ATRNL1: variants seen among roughly 807,000 people sequenced by gnomAD.
ATRNL1 encodes the protein attractin like 1, also known as attractin-like protein 1.
Under a neutral mutation model 182.7 loss-of-function variants are expected in ATRNL1, and 95 were observed. That is an observed-to-expected ratio of 0.52 (90% CI 0.44 to 0.62). ATRNL1 has a LOEUF of 0.62. ATRNL1 is among the 20% of genes least tolerant of loss of function. ATRNL1 has a pLI of 0.00. For synonymous variants in ATRNL1, 576 were observed against 568.3 expected, an observed-to-expected ratio of 1.01 and a Z score of -0.19; for missense variants, 1,471 against 1,679.5, an observed-to-expected ratio of 0.88 and a Z score of 2.17.
chr10:115,761,153 A>T (rs1948726214), intron 27 of ATRNL1, among the ~76,000 whole-genome samples: 2 of 152,236 alleles, frequency 1.3e-5, no homozygotes, highest in Admixed American at 1.3e-4. Flanking sequence ...AGCTGAAAAT[A>T]ATAGCAAAAG....
chr10:115,282,873 G>A (rs1393537974), intron 14 of ATRNL1, among the ~76,000 whole-genome samples: 1 of 151,352 alleles, frequency 6.6e-6, no homozygotes, highest in East Asian at 1.9e-4. Flanking sequence ...GAATGTGCAG[G>A]TTTGTTACAT....
Position 115,315,552 on chromosome 10 carries a change from GTGTT to G in ATRNL1, c.2856_2859del (p.Cys952TrpfsTer29). The G allele has an allele frequency of 6.2e-7, 1 of 1,613,828 alleles. No individual in the cohort carries two copies. Among genetic ancestry groups the G allele is most frequent in the Non-Finnish European group, 8.5e-7 (1 of 1,179,868 alleles). ...GTTCTGGATTGAGAACCTGTGGACA[GTGTT>G]TGGAACAGCCTGGATGTGGCTGGTG... On this transcript the variant is annotated frameshift_variant, in exon 18 of 29. Transcript: ENST00000355044. LOFTEE classifies it high-confidence loss of function.
At chr10:115,913,268 G>A (rs1403595388) in intron 28 of ATRNL1, among the ~76,000 whole-genome samples, 6 of 152,024 alleles carry the variant, frequency 3.9e-5, no homozygotes, top group Non-Finnish European at 8.8e-5. Context: ...TTATTCAGAT[G>A]TCCTCCACCA....
In ATRNL1 at chr10:115,586,534, A is replaced by G. The variant is rs1286701613; in HGVS notation, c.3795+36998A>G. Among the ~76,000 whole-genome samples the G allele has an allele frequency of 2.1e-5, 2 of 94,064 alleles. 1 individual carries two copies. The highest frequency in any genetic ancestry group is 1.6e-3 in the East Asian group (2 of 1,256). 61.7% of individuals were successfully genotyped at this position (94,064 alleles called of 152,430 possible). A position where few individuals can be genotyped will look rare whatever the true frequency, so the allele number is the denominator to read the frequency against. On this transcript the variant is annotated intron_variant, in intron 26 of 28. Coordinates refer to ENST00000355044, the MANE Select transcript of ATRNL1 (RefSeq NM_207303.4). ...TTCCATCACTGATACCCTTTCTTCCAGTTGTTCGCATCGGCTCCTGAGGCT... is the reference window on the plus strand; with the variant it reads ...TTCCATCACTGATACCCTTTCTTCCGGTTGTTCGCATCGGCTCCTGAGGCT...
chr10:115,690,203 C>T (rs1269997355), intron 26 of ATRNL1, among the ~76,000 whole-genome samples: 1 of 152,018 alleles, frequency 6.6e-6, no homozygotes, highest in Non-Finnish European at 1.5e-5. Context: ...AATAGTACTC[C>T]CTGTGGATTA....
intron 26 of ATRNL1, among the ~76,000 whole-genome samples, chr10:115,653,675 G>A (rs975091253): frequency 6.6e-6 from 1 of 152,130 alleles, no homozygotes; most frequent in Admixed American, 6.6e-5. Context: ...CTAGCAGCCT[G>A]TGTTTACCTC....
At chr10:115,930,263 T>C (rs1398611256) in intron 28 of ATRNL1, among the ~76,000 whole-genome samples, 1 of 152,188 alleles carries the variant, frequency 6.6e-6, no homozygotes, top group African/African-American at 2.4e-5. Flanking sequence ...ATTTGGTTTT[T>C]TTCCTTCCCC....
chr10:115,570,005 C>G (rs1196585889), intron 26 of ATRNL1, among the ~76,000 whole-genome samples: 2 of 152,094 alleles, frequency 1.3e-5, no homozygotes, highest in African/African-American at 4.8e-5. Context: ...AGCTAGCTTT[C>G]TGCTGGAGTG....
intron 7 of ATRNL1, 124 bp downstream of exon 7, chr10:115,165,769 T>C (rs1847012196): frequency 4.5e-6 from 2 of 442,378 alleles, no homozygotes; most frequent in Non-Finnish European, 3.9e-6. Context: ...ATATGGATCA[T>C]GATAACTTGA....
At chr10:115,858,787 A>T (rs1235940462) in intron 28 of ATRNL1, among the ~76,000 whole-genome samples, 1 of 151,970 alleles carries the variant, frequency 6.6e-6, no homozygotes, top group Non-Finnish European at 1.5e-5. Context: ...GCCAATTGGT[A>T]AAAAAAATTA....
intron 21 of ATRNL1, among the ~76,000 whole-genome samples, chr10:115,442,966 T>C (rs1302836380): frequency 2.0e-5 from 3 of 152,086 alleles, no homozygotes; most frequent in African/African-American, 4.8e-5. Flanking sequence ...ACATCTTCTT[T>C]TATGACCTAA....
intron 19 of ATRNL1, among the ~76,000 whole-genome samples, chr10:115,392,523 A>G (rs1592585463): frequency 6.6e-6 from 1 of 152,144 alleles, no homozygotes; most frequent in East Asian, 1.9e-4. Context: ...TCTATTCCAT[A>G]TGTTCTTTCA....
chr10:115,131,662 C>T (rs1845243359), intron 5 of ATRNL1, among the ~76,000 whole-genome samples: 1 of 152,118 alleles, frequency 6.6e-6, no homozygotes, highest in Admixed American at 6.6e-5. Context: ...TGTGAAAATG[C>T]GGACTGCCGA....
chr10:115,756,353 G>C (rs1948591024), intron 27 of ATRNL1, among the ~76,000 whole-genome samples: 1 of 152,010 alleles, frequency 6.6e-6, no homozygotes, highest in Admixed American at 6.6e-5. Context: ...CAGAGATTCT[G>C]GTACGTTGTG....
intron 28 of ATRNL1, among the ~76,000 whole-genome samples, chr10:115,942,717 G>A (rs1555124574): frequency 6.6e-6 from 1 of 152,210 alleles, no homozygotes; most frequent in African/African-American, 2.4e-5. Context: ...TCAATTCAAA[G>A]TCAAGTCTTC....
intron 18 of ATRNL1, among the ~76,000 whole-genome samples, chr10:115,320,976 T>G (rs1041967307): frequency 6.6e-6 from 1 of 152,134 alleles, no homozygotes; most frequent in Non-Finnish European, 1.5e-5. Context: ...TTTGGCATTT[T>G]TGTTGTTGTT....
chr10:115,113,418 T>A (rs1554868781), intron 1 of ATRNL1, among the ~76,000 whole-genome samples: 1 of 152,164 alleles, frequency 6.6e-6, no homozygotes, highest in Non-Finnish European at 1.5e-5. Flanking sequence ...TGTTTGTTTG[T>A]TTGTTTCCTA....
At chr10:115,920,470 C>T (rs1431577288) in intron 28 of ATRNL1, among the ~76,000 whole-genome samples, 2 of 152,200 alleles carry the variant, frequency 1.3e-5, no homozygotes, top group East Asian at 3.8e-4. Flanking sequence ...AATTCTGAGA[C>T]ACTCACCCAT....
At chr10:115,476,134 C>T (rs1848520358) in intron 24 of ATRNL1, among the ~76,000 whole-genome samples, 1 of 151,106 alleles carries the variant, frequency 6.6e-6, no homozygotes, top group Non-Finnish European at 1.5e-5. Context: ...TTTATTTAGT[C>T]CAAAATATTT....
Sources: allele counts gnomAD v4.1 joint callset (sites outside exome capture counted in the v4.1 genomes callset), GRCh38; gene constraint gnomAD v4.1.1; transcripts MANE v1.5; gene names NCBI Gene and HGNC (gene_info 2026-07-23, HGNC 2026-07-21).